FBXL20: variants seen among roughly 807,000 people sequenced by gnomAD.
FBXL20 encodes F-box/LRR-repeat protein 20.
Under a neutral mutation model 64.0 loss-of-function variants are expected in FBXL20, and 11 were observed. The observed-to-expected ratio is 0.17, with a 90% CI of 0.11 to 0.28. The LOEUF (loss-of-function observed/expected upper bound fraction) is 0.28. Ranked by LOEUF, FBXL20 falls within the 10% of genes least tolerant of loss-of-function variation. FBXL20 has a pLI of 1.00. For missense variants in FBXL20, 303 were observed against 526.2 expected, an observed-to-expected ratio of 0.58 and a Z score of 4.15; for synonymous variants, 184 against 189.0, an observed-to-expected ratio of 0.97 and a Z score of 0.22.
intron 1 of FBXL20, among the ~76,000 whole-genome samples, chr17:39,373,461 A>G (rs1348207236): frequency 6.6e-6 from 1 of 152,186 alleles, no homozygotes; most frequent in Non-Finnish European, 1.5e-5. Flanking sequence ...TTCAGTTAAC[A>G]GATACAATTT....
At chr17:39,321,010 G>C (rs920346801) in intron 2 of FBXL20, among the ~76,000 whole-genome samples, 5 of 151,560 alleles carry the variant, frequency 3.3e-5, no homozygotes, top group Admixed American at 6.6e-5. Flanking sequence ...TTCTTTTTTT[G>C]TTTTTTTCTC....
At chr17:39,320,466 A>C (rs1209881113) in intron 2 of FBXL20, among the ~76,000 whole-genome samples, 2 of 152,084 alleles carry the variant, frequency 1.3e-5, no homozygotes. Context: ...CCAACTTCTG[A>C]CTCTAAATAT....
chr17:39,325,911 T>G (rs2047404223), intron 2 of FBXL20, among the ~76,000 whole-genome samples: 1 of 152,200 alleles, frequency 6.6e-6, no homozygotes. Flanking sequence ...AGTCTCATGT[T>G]GAAATGTGAT....
chr17:39,376,243 C>T (rs911916937), intron 1 of FBXL20, among the ~76,000 whole-genome samples: 1 of 152,162 alleles, frequency 6.6e-6, no homozygotes, highest in Non-Finnish European at 1.5e-5. Flanking sequence ...CCCTGGAAAA[C>T]CAGCTCAAAA....
intron 1 of FBXL20, among the ~76,000 whole-genome samples, chr17:39,390,950 G>A (rs1360957521): frequency 1.3e-5 from 2 of 152,108 alleles, no homozygotes; most frequent in Non-Finnish European, 2.9e-5. Flanking sequence ...GGGAAGCTGA[G>A]GCAGAGAACT....
chr17:39,312,289 C>T (rs1010488498), intron 2 of FBXL20, among the ~76,000 whole-genome samples: 2 of 151,642 alleles, frequency 1.3e-5, no homozygotes, highest in African/African-American at 2.4e-5. Flanking sequence ...GTGGCAGGCA[C>T]CTCTAATCAC....
chr17:39,401,558 C>A lies in FBXL20; in HGVS notation c.-156G>T, dbSNP rs2048245431. On this transcript the variant is annotated 5_prime_UTR_variant, in exon 1 of 15. Transcript: ENST00000264658. ...GGAACAAGAGACCTCTCGGCTCCGG[C>A]TAGGCCTCCACCACCTCCCGCGGCG... is the stretch of plus-strand genomic sequence containing the variant. 7.1e-7 allele frequency: 1 copy of A among 1,417,160 alleles called. No homozygotes were observed. Among genetic ancestry groups the A allele is most frequent in the African/African-American group, 1.5e-5 (1 of 66,172 alleles). 87.8% of individuals were successfully genotyped at this position (1,417,160 alleles called of 1,614,324 possible). A position where few individuals can be genotyped will look rare whatever the true frequency, so the allele number is the denominator to read the frequency against.
rs1320025682 is a variant in FBXL20 at position 39,261,295 on chromosome 17, G to T, written c.*165C>A. On this transcript the variant is annotated 3_prime_UTR_variant, in exon 15 of 15. Transcript: ENST00000264658. Reference sequence around the variant, plus strand: ...CAAAGCTAGAGTGGATGGGGGTAAGGGTGTGTATGTGTATGTATGTGTGGC... The same window carrying T: ...CAAAGCTAGAGTGGATGGGGGTAAGTGTGTGTATGTGTATGTATGTGTGGC... The T allele has an allele frequency of 3.2e-6, 2 of 625,812 alleles. No homozygotes were observed. Among genetic ancestry groups the T allele is most frequent in the Non-Finnish European group, 5.8e-6 (2 of 342,682 alleles). 38.8% of individuals were successfully genotyped at this position (625,812 alleles called of 1,614,324 possible).
chr17:39,281,426 C>A lies in FBXL20; in HGVS notation c.659G>T (p.Cys220Phe), dbSNP rs2046949506. 1 of 1,613,790 alleles carries A rather than the reference C, an allele frequency of 6.2e-7. No individual in the cohort carries two copies. The highest frequency in any genetic ancestry group is 8.5e-7 in the Non-Finnish European group (1 of 1,179,950). The change falls in exon 9 of 15, where the codon TGC becomes TTC. Residue 220 changes from cysteine (C) to phenylalanine (F), a missense_variant. By Grantham distance (205) the Cys-to-Phe change is radical. This residue lies in a region of FBXL20 where 246 missense variants were observed against 422.6 expected (regional missense o/e 0.58). Transcript: ENST00000264658. ...CAAGTTCAAAGTCACCAGTTCAGGG[C>A]AGTGTGCACCTATGTACTTGAGAGC... The part of the protein sequence containing the change: ...DEALKYIGAH[C>F]PELVTLNLQT...
intron 1 of FBXL20, among the ~76,000 whole-genome samples, chr17:39,381,027 G>A (rs2048017634): frequency 6.6e-6 from 1 of 152,078 alleles, no homozygotes; most frequent in Non-Finnish European, 1.5e-5. Context: ...GGGCGTGGTG[G>A]CAGGCACCTG....
At chr17:39,383,140 C>T (rs754074489) in intron 1 of FBXL20, among the ~76,000 whole-genome samples, 1 of 119,800 alleles carries the variant, frequency 8.3e-6, no homozygotes, top group Non-Finnish European at 1.7e-5. Context: ...TCCAGCCTGG[C>T]AACAGAGTGA....
intron 2 of FBXL20, among the ~76,000 whole-genome samples, chr17:39,308,142 CTT>C (rs745543922): frequency 2.8e-5 from 4 of 141,814 alleles, no homozygotes; most frequent in Admixed American, 1.4e-4. Context: ...AAAGTTTGAT[CTT>C]TTTTTTTTTT....
chr17:39,331,062 C>T (rs1248181037), intron 2 of FBXL20, among the ~76,000 whole-genome samples: 2 of 152,206 alleles, frequency 1.3e-5, no homozygotes, highest in East Asian at 3.9e-4. Context: ...AACAATCTCT[C>T]TCATGGGACT....
At chr17:39,355,061 A>T (rs906101861) in intron 1 of FBXL20, among the ~76,000 whole-genome samples, 2 of 152,016 alleles carry the variant, frequency 1.3e-5, no homozygotes, top group Non-Finnish European at 2.9e-5. Flanking sequence ...CCTCCCAAGT[A>T]GCTGGGATTA....
At chr17:39,288,737 C>A (rs2047010888) in intron 6 of FBXL20, among the ~76,000 whole-genome samples, 1 of 151,440 alleles carries the variant, frequency 6.6e-6, no homozygotes, top group Non-Finnish European at 1.5e-5. Context: ...AAGACACAGT[C>A]TTGCTTTGTC....
At chr17:39,309,472 A>C (rs1305611780) in intron 2 of FBXL20, among the ~76,000 whole-genome samples, 3 of 152,174 alleles carry the variant, frequency 2.0e-5, no homozygotes, top group African/African-American at 4.8e-5. Context: ...CCTTCTTGTC[A>C]AGGTCTGTAC....
intron 2 of FBXL20, among the ~76,000 whole-genome samples, chr17:39,308,829 T>C (rs1337964350): frequency 2.0e-5 from 3 of 151,960 alleles, no homozygotes. Context: ...CCTCCCAAAG[T>C]GCTGGGATTA....
At chr17:39,268,365 A>G (rs2046810932) in intron 12 of FBXL20, among the ~76,000 whole-genome samples, 1 of 152,116 alleles carries the variant, frequency 6.6e-6, no homozygotes, top group African/African-American at 2.4e-5. Flanking sequence ...AAAAAATAAT[A>G]ATAATAATTA....
intron 1 of FBXL20, among the ~76,000 whole-genome samples, chr17:39,359,135 A>G (rs570538413): frequency 1.3e-5 from 2 of 152,276 alleles, no homozygotes; most frequent in East Asian, 3.9e-4. Context: ...TGAGCTCAGG[A>G]GTTTGAAACC....
Sources: allele counts gnomAD v4.1 joint callset (sites outside exome capture counted in the v4.1 genomes callset), GRCh38; gene constraint gnomAD v4.1.1; regional missense constraint gnomAD v4.1.1; transcripts MANE v1.5; gene names NCBI Gene and HGNC (gene_info 2026-07-23, HGNC 2026-07-21).